CA1: variants seen among roughly 807,000 people sequenced by gnomAD.
CA1 encodes the protein carbonate dehydratase I.
In CA1, 27 loss-of-function variants were observed where a neutral mutation model predicts 28.8. That is an observed-to-expected ratio of 0.94 (90% CI 0.69 to 1.29). The LOEUF (loss-of-function observed/expected upper bound fraction) is 1.29, where lower values mean the gene tolerates loss of function less well. CA1 is among the 50% of genes most tolerant of loss of function. The probability of loss-of-function intolerance (pLI) is 0.00; values close to 1 mark genes in which losing one functional copy is unlikely to be tolerated. For missense variants in CA1, 335 were observed against 310.5 expected (o/e 1.08, Z -0.59); for synonymous variants, 121 against 108.8 (o/e 1.11, Z -0.70).
chr8:85,337,892 C>T (rs570855407), intron 3 of CA1: 54 of 368,466 alleles, frequency 1.5e-4, no homozygotes, highest in Non-Finnish European at 2.5e-4. Flanking sequence ...TCATACTCAT[C>T]CCAATTAGAA....
intron 3 of CA1, 120 bp downstream of exon 3, chr8:85,338,132 C>T: frequency 1.0e-6 from 1 of 952,440 alleles, no homozygotes. Context: ...CACTAGATTA[C>T]AGCAATGCTG....
At chr8:85,360,875 C>T (rs534122166) in intron 1 of CA1, among the ~76,000 whole-genome samples, 12 of 152,204 alleles carry the variant, frequency 7.9e-5, no homozygotes, top group African/African-American at 2.4e-4. Flanking sequence ...TAGCTTCTTC[C>T]TCCTAAACAT....
chr8:85,337,128 A>C, intron 3 of CA1, 65 bp from the exon 4 acceptor site: 2 of 890,210 alleles, frequency 2.2e-6, no homozygotes, highest in Non-Finnish European at 3.8e-6. Context: ...CTTTGCATTT[A>C]ATATAAACCA....
Position 85,338,314 on chromosome 8 carries a change from T to G in CA1, c.173A>C (p.Lys58Thr). 1 of 1,614,050 alleles carries G rather than the reference T, an allele frequency of 6.2e-7. No homozygotes were observed. Among genetic ancestry groups the G allele is most frequent in the Non-Finnish European group, 8.5e-7 (1 of 1,179,916 alleles). Residue 58 changes from lysine (K) to threonine (T), a missense_variant, in exon 3 of 8, where the codon AAA (lysine) becomes ACA (threonine). By Grantham distance (78) the Lys-to-Thr change is moderately conservative (BLOSUM62 -1). Coordinates refer to ENST00000523022, the MANE Select transcript of CA1 (RefSeq NM_001128831.4). ...GGAATGCCCCACATTGATAATTTCT[T>G]TGGCTGTGGCTGGGTTGTAGGAGAC... is the stretch of plus-strand genomic sequence containing the variant. ...ISVSYNPATA[K>T]EIINVGHSFH...
chr8:85,332,448 A>G (rs1029360916), intron 6 of CA1, 42 bp downstream of exon 6: 7 of 1,446,126 alleles, frequency 4.8e-6, no homozygotes, highest in Non-Finnish European at 5.8e-6. Flanking sequence ...AGATCTGTAA[A>G]TTCTTGTTCT....
At chr8:85,375,464 C>T (rs778473759) in intron 1 of CA1, among the ~76,000 whole-genome samples, 44 of 149,956 alleles carry the variant, frequency 2.9e-4, no homozygotes, top group Admixed American at 5.3e-4. Flanking sequence ...GCCACCCACC[C>T]GCCCTACACT....
At chr8:85,374,004 C>A (rs1235293885) in intron 1 of CA1, among the ~76,000 whole-genome samples, 3 of 151,948 alleles carry the variant, frequency 2.0e-5, no homozygotes, top group African/African-American at 4.8e-5. Flanking sequence ...GGAGATGATG[C>A]GCGATGGGGG....
chr8:85,364,723 G>A lies in CA1; in HGVS notation c.-25+13323C>T, dbSNP rs1184801007. On this transcript the variant is annotated intron_variant, in intron 1 of 7. Transcript: ENST00000523022. ...CCAGAATCTTAGTACACTATTTTCA[G>A]GAAAGAGATACCATTTCTTTCCCTA... 3.3e-5 allele frequency among the ~76,000 whole-genome samples: 5 copies of A among 152,126 alleles called. No homozygotes were observed. In the East Asian group the frequency reaches 7.7e-4, roughly 23 times the overall value.
intron 1 of CA1, among the ~76,000 whole-genome samples, chr8:85,349,608 G>C (rs1336887938): frequency 3.3e-5 from 5 of 152,180 alleles, no homozygotes; most frequent in Non-Finnish European, 5.9e-5. Flanking sequence ...TCTTTGGAGA[G>C]AATGCATGCT....
chr8:85,347,039 G>A (rs1367869728), intron 1 of CA1, among the ~76,000 whole-genome samples: 3 of 152,144 alleles, frequency 2.0e-5, no homozygotes. Context: ...TTACCTTGTA[G>A]TAACATCCTT....
At chr8:85,338,873 C>T (rs1054529701) in intron 2 of CA1, among the ~76,000 whole-genome samples, 5 of 151,786 alleles carry the variant, frequency 3.3e-5, no homozygotes, top group African/African-American at 9.7e-5. Flanking sequence ...GCCACCATGC[C>T]TGGCCAATTT....
chr8:85,354,175 A>G (rs1402314794), intron 1 of CA1, among the ~76,000 whole-genome samples: 1 of 148,510 alleles, frequency 6.7e-6, no homozygotes, highest in African/African-American at 2.5e-5. Context: ...CGGTTTCACC[A>G]TGTTGGCCAG....
At chr8:85,362,488 G>C (rs1809835250) in intron 1 of CA1, among the ~76,000 whole-genome samples, 1 of 152,126 alleles carries the variant, frequency 6.6e-6, no homozygotes, top group Non-Finnish European at 1.5e-5. Context: ...GTATTGAGGA[G>C]GAAACAGGCC....
chr8:85,373,291 A>G (rs1810298529), intron 1 of CA1: 1 of 152,234 alleles, frequency 6.6e-6, no homozygotes, highest in Admixed American at 6.6e-5. Flanking sequence ...AGCACTGAGC[A>G]TCTGCGAAGA....
chr8:85,343,355 GATCTGTGTA>G (rs775239906), intron 1 of CA1: 8 of 152,192 alleles, frequency 5.3e-5, no homozygotes, highest in Non-Finnish European at 8.8e-5. Context: ...TTTAAACCTA[GATCTGTGTA>G]ATTCCAAAGC....
chr8:85,376,285 A>G (rs1411140829), intron 1 of CA1, among the ~76,000 whole-genome samples: 2 of 152,156 alleles, frequency 1.3e-5, no homozygotes, highest in African/African-American at 4.8e-5. Flanking sequence ...AGCAGAGATC[A>G]TGCCACTACA....
intron 6 of CA1, among the ~76,000 whole-genome samples, chr8:85,330,740 A>C (rs1808363559): frequency 6.6e-6 from 1 of 152,178 alleles, no homozygotes; most frequent in African/African-American, 2.4e-5. Flanking sequence ...ACCTTTAACT[A>C]GTTAATATAA....
At chr8:85,329,565 A>T in intron 7 of CA1, 124 bp downstream of exon 7, 1 of 858,266 alleles carries the variant, frequency 1.2e-6, no homozygotes, top group Non-Finnish European at 1.9e-6. Flanking sequence ...TAATATTTTT[A>T]AGTTGGGAGG....
chr8:85,371,484 A>G (rs1307473157), intron 1 of CA1, among the ~76,000 whole-genome samples: 1 of 152,138 alleles, frequency 6.6e-6, no homozygotes, highest in Non-Finnish European at 1.5e-5. Context: ...CAACCCCCAA[A>G]GAACGGGGTC....
Sources: gnomAD v4.1 joint callset for allele counts (sites outside exome capture counted in the v4.1 genomes callset) on GRCh38, gnomAD v4.1.1 for gene constraint, MANE v1.5 for transcripts, NCBI Gene and HGNC (gene_info 2026-07-23, HGNC 2026-07-21) for gene names.